The following EIF3G variants were observed in gnomAD, a reference collection of about 807,000 sequenced individuals.
EIF3G encodes the protein eukaryotic translation initiation factor 3 RNA-binding subunit.
In EIF3G, 10 loss-of-function variants were observed where a neutral mutation model predicts 41.7. That is an observed-to-expected ratio of 0.24 (90% CI 0.15 to 0.41). EIF3G has a LOEUF of 0.41. Ranked by LOEUF, EIF3G falls within the 10% of genes least tolerant of loss-of-function variation. The probability of loss-of-function intolerance (pLI) is 1.00; values close to 1 mark genes in which losing one functional copy is unlikely to be tolerated. For synonymous variants in EIF3G, 204 were observed against 172.5 expected, an observed-to-expected ratio of 1.18 and a Z score of -1.43; for missense variants, 297 against 444.0, an observed-to-expected ratio of 0.67 and a Z score of 2.98.
In EIF3G at chr19:10,118,649, T is replaced by C. The variant is rs1292187648; in HGVS notation, c.300+19A>G. ...TTTTCCAATTCCTCTAGGTTAGCCC[T>C]GGGGAAGAAGAGCCTCACCTTCCTC... is the stretch of plus-strand genomic sequence containing the variant. On this transcript the variant is annotated intron_variant, in intron 5 of 10. Transcript: ENST00000253108. The C allele has an allele frequency of 6.2e-7, 1 of 1,613,406 alleles. No homozygotes were observed. The highest frequency in any genetic ancestry group is 8.5e-7 in the Non-Finnish European group (1 of 1,179,776).
In EIF3G at chr19:10,118,695, C is replaced by T. The variant is rs139935811; in HGVS notation, c.273G>A (p.Lys91=). ...TCCTCCTTGCGACAGCCTTTGAAGC[C>T]TTCCGGGTCTCAATCCTGAAGGTGC... The part of the protein sequence containing the change: ...IVRTFRIETR[K]ASKAVARRKN... The change falls in exon 5 of 11, where the codon AAG becomes AAA. Residue 91 remains lysine, a synonymous_variant. Transcript: ENST00000253108. 6.2e-7 allele frequency: 1 copy of T among 1,614,004 alleles called. No homozygotes were observed. The highest frequency in any genetic ancestry group is 1.3e-5 in the African/African-American group (1 of 74,910).
At chr19:10,119,435 C>T in intron 2 of EIF3G, 2 of 761,610 alleles carry the variant, frequency 2.6e-6, no homozygotes, top group African/African-American at 1.7e-5. Flanking sequence ...ATTACAACTT[C>T]CTCCCTGGAG....
intron 5 of EIF3G, chr19:10,118,435 C>T: frequency 1.9e-6 from 1 of 527,604 alleles, no homozygotes. Context: ...CGTGGTGGCA[C>T]ATGCCTGTAA....
At chr19:10,115,886 C>A in intron 8 of EIF3G, 66 bp from the exon 9 acceptor site, 2 of 1,593,176 alleles carry the variant, frequency 1.3e-6, no homozygotes, top group Non-Finnish European at 8.5e-7. Context: ...TGCTGCCCAG[C>A]CCTCGTGTGC....
intron 5 of EIF3G, 149 bp downstream of exon 5, chr19:10,118,519 C>T (rs760423433): frequency 1.8e-5 from 15 of 826,858 alleles, no homozygotes; most frequent in East Asian, 7.9e-5. Context: ...GAGTCGAGAT[C>T]GTGCCACTGC....
At chr19:10,118,101 G>A (rs902710993) in intron 5 of EIF3G, 10 of 152,362 alleles carry the variant, frequency 6.6e-5, no homozygotes, top group African/African-American at 2.4e-4. Flanking sequence ...TACAATCGAT[G>A]TTATTTGATA....
intron 5 of EIF3G, chr19:10,117,469 GC>G (rs1281272034): frequency 2.5e-6 from 1 of 407,192 alleles, no homozygotes; most frequent in Non-Finnish European, 4.4e-6. Flanking sequence ...CCACCAGGGC[GC>G]AATACTCAGG....
rs545769118 is a variant in EIF3G, at chr19:10,116,760, G to A, written c.595+40C>T. The A allele has an allele frequency of 1.3e-6, 2 of 1,527,764 alleles. No homozygotes were observed. Among genetic ancestry groups the A allele is most frequent in the Non-Finnish European group, 8.8e-7 (1 of 1,136,040 alleles). 94.6% of individuals were successfully genotyped at this position (1,527,764 alleles called of 1,614,324 possible). ...CAGCACGAAGGCAGCAGTGGGGACA[G>A]AACCCGTGCACTGACAGCAGGACCC... On this transcript the variant is annotated intron_variant, in intron 7 of 10. Coordinates refer to ENST00000253108, the MANE Select transcript of EIF3G (RefSeq NM_003755.5). The surrounding 1 kb of genome is among the most constrained non-coding windows in gnomAD (Gnocchi z 4.1).
At position 10,116,495 on chromosome 19, in the gene EIF3G, C is replaced by T. The variant is rs1469922841; in HGVS notation, c.595+305G>A. On this transcript the variant is annotated intron_variant, in intron 7 of 10. Transcript: ENST00000253108. This position sits in a 1 kb window ranked among gnomAD's most constrained non-coding sequence, Gnocchi z 4.1. ...GGACGGTACAGCCACAGGCATGCAA[C>T]GGAGACACTATACACACAGTGCGCA... 8.1e-6 allele frequency: 4 copies of T among 494,124 alleles called. No homozygotes were observed. The highest frequency in any genetic ancestry group is 3.6e-5 in the Admixed American group (1 of 27,422). 30.6% of individuals were successfully genotyped at this position (494,124 alleles called of 1,614,324 possible).
intron 5 of EIF3G, 119 bp from the exon 6 acceptor site, chr19:10,117,307 A>G (rs1253140954): frequency 2.9e-6 from 2 of 697,460 alleles, no homozygotes; most frequent in East Asian, 2.7e-5. Context: ...CCCCATCTTC[A>G]TCCTCCTCAA....
At chr19:10,119,523 C>A in intron 2 of EIF3G, 131 bp downstream of exon 2, 1 of 1,248,148 alleles carries the variant, frequency 8.0e-7, no homozygotes. Context: ...CAGGCGGGTC[C>A]CAAGGAGGAT....
At chr19:10,118,985 CTG>C (rs1384925529) in intron 3 of EIF3G, 29 bp from the exon 4 acceptor site, 1 of 1,613,944 alleles carries the variant, frequency 6.2e-7, no homozygotes, top group Non-Finnish European at 8.5e-7. Context: ...CAGAGAAAGA[CTG>C]AGCCCTGGGT....
rs1342798336 is a variant in EIF3G, at chr19:10,116,653, G to C, written c.595+147C>G. On this transcript the variant is annotated intron_variant, in intron 7 of 10. Transcript: ENST00000253108. This position sits in a 1 kb window ranked among gnomAD's most constrained non-coding sequence, Gnocchi z 4.1. ...AGACGCCCGTCTCCCAACCATAGGA[G>C]GTACAGCCAATTAGGAAGGCACAGA... The C allele has an allele frequency of 1.3e-6, 1 of 783,080 alleles. No homozygotes were observed. Among genetic ancestry groups the C allele is most frequent in the Non-Finnish European group, 2.0e-6 (1 of 496,002 alleles). 48.5% of individuals were successfully genotyped at this position (783,080 alleles called of 1,614,324 possible).
Position 10,119,863 on chromosome 19 carries a change from A to G in EIF3G, c.-4T>C, listed in dbSNP as rs765904140. ...ACTCAAAGTCTCCAGTAGGCATCGC[A>G]AAAAGTATTCTCCACGCAGCCCAAG... On this transcript the variant is annotated 5_prime_UTR_variant, in exon 1 of 11. Transcript: ENST00000253108. 8 of 1,614,192 alleles carry G rather than the reference A, an allele frequency of 5.0e-6. No individual in the cohort carries two copies. In the East Asian group the frequency reaches 8.9e-5, roughly 18 times the overall value.
rs1007794592 is a variant in EIF3G at position 10,116,336 on chromosome 19, C to T, written c.596-262G>A. ...GAGGGCGGGAGGACAACAGGGGCAG[C>T]AGCCTCACATGCACAGCAACGGCAG... On this transcript the variant is annotated intron_variant, in intron 7 of 10. Transcript: ENST00000253108. The surrounding 1 kb of genome is among the most constrained non-coding windows in gnomAD (Gnocchi z 4.1). The T allele has an allele frequency of 3.6e-6, 2 of 560,020 alleles. No individual in the cohort carries two copies. Among genetic ancestry groups the T allele is most frequent in the Non-Finnish European group, 6.4e-6 (2 of 313,108 alleles). The allele number at this position is 560,020 out of a possible 1,614,324, so 34.7% of individuals were successfully genotyped here. A position where few individuals can be genotyped will look rare whatever the true frequency, so the allele number is the denominator to read the frequency against.
Position 10,119,718 on chromosome 19 carries a change from TG to T in EIF3G, c.21-19del. 2 of 1,611,040 alleles carry T rather than the reference TG, an allele frequency of 1.2e-6. No individual in the cohort carries two copies. Among genetic ancestry groups the T allele is most frequent in the Non-Finnish European group, 1.7e-6 (2 of 1,177,624 alleles). On this transcript the variant is annotated intron_variant, in intron 1 of 10. Coordinates refer to ENST00000253108, the MANE Select transcript of EIF3G (RefSeq NM_003755.5). ...GCTTCGAACTGCGGAAACAAATGTG[TG>T]GGGAACGAAGATTAAGTCAGCCAGG...
rs2305794 is a variant in EIF3G, at chr19:10,115,344, A to G, written c.947+135T>C. 10,230 of 1,203,858 alleles carry G rather than the reference A, an allele frequency of 8.5e-3. 365 individuals carry two copies. Among genetic ancestry groups the G allele is most frequent in the African/African-American group, 0.077 (5,004 of 65,300 alleles). 74.6% of individuals were successfully genotyped at this position (1,203,858 alleles called of 1,614,324 possible). ...ACCCCTCTGCCCGGTTTTGGAAAAA[A>G]ACAATAAAGGACTGTCCCCTCAAAA... On this transcript the variant is annotated intron_variant, in intron 10 of 10. Coordinates refer to ENST00000253108, the MANE Select transcript of EIF3G (RefSeq NM_003755.5).
chr19:10,115,255 G>T, intron 10 of EIF3G, 126 bp from the exon 11 acceptor site: 1 of 1,279,742 alleles, frequency 7.8e-7, no homozygotes. Flanking sequence ...CGGGCACGGA[G>T]CCAGATGGCC....
rs768139425 is a variant in EIF3G, at chr19:10,119,068, TCCC to T, written c.151+17_151+19del. On this transcript the variant is annotated intron_variant, in intron 3 of 10. Coordinates refer to ENST00000253108, the MANE Select transcript of EIF3G (RefSeq NM_003755.5). ...CACCGAGTGGCAGTCCTCACTCACC[TCCC>T]GGCAGTCCTCACTCACCTCCCGGCA... The T allele has an allele frequency of 8.2e-5, 43 of 521,648 alleles. No homozygotes were observed. The highest frequency in any genetic ancestry group is 1.1e-4 in the Non-Finnish European group (39 of 361,626). The allele number at this position is 521,648 out of a possible 1,614,324, so 32.3% of individuals were successfully genotyped here.
Sources: gnomAD v4.1 joint callset for allele counts on GRCh38, gnomAD v4.1.1 for gene constraint, Gnocchi (gnomAD v3.1) non-coding constraint, MANE v1.5 for transcripts, NCBI Gene and HGNC (gene_info 2026-07-23, HGNC 2026-07-21) for gene names.